WDR41: variants seen among roughly 807,000 people sequenced by gnomAD.
The protein encoded by WDR41 is WD repeat domain 41, also known as WD repeat-containing protein 41.
Under a neutral mutation model 69.3 loss-of-function variants are expected in WDR41, and 63 were observed. That is an observed-to-expected ratio of 0.91 (90% CI 0.74 to 1.12). The LOEUF (loss-of-function observed/expected upper bound fraction) is 1.12. WDR41 is among the 50% of genes most tolerant of loss of function. The pLI is 0.00. For synonymous variants in WDR41, 185 were observed against 192.1 expected (o/e 0.96, Z 0.31); for missense variants, 543 against 534.5 (o/e 1.02, Z -0.16).
At chr5:77,598,953 G>C (rs1024426609) in intron 1 of WDR41, among the ~76,000 whole-genome samples, 2 of 151,992 alleles carry the variant, frequency 1.3e-5, no homozygotes, top group Admixed American at 6.6e-5. Flanking sequence ...CCTGACAAAA[G>C]AAAATACAGT....
chr5:77,508,795 T>G (rs565898018), intron 1 of WDR41, among the ~76,000 whole-genome samples: 6 of 127,064 alleles, frequency 4.7e-5, no homozygotes, highest in Non-Finnish European at 9.5e-5. Flanking sequence ...GTGGTCTGTT[T>G]CTCTCCCCCC....
chr5:77,611,884 T>C (rs1175549492), intron 1 of WDR41, among the ~76,000 whole-genome samples: 1 of 152,048 alleles, frequency 6.6e-6, no homozygotes, highest in African/African-American at 2.4e-5. Context: ...ATAAAATTGA[T>C]AGACTGCTAG....
At chr5:77,579,905 C>CA (rs201212713) in intron 1 of WDR41, among the ~76,000 whole-genome samples, 2,926 of 151,226 alleles carry the variant, frequency 0.019, 81 homozygotes, top group African/African-American at 0.057. Flanking sequence ...CCAATGGCAG[C>CA]AAAAAAAATG....
intron 2 of WDR41, among the ~76,000 whole-genome samples, chr5:77,475,834 A>G (rs372705880): frequency 6.6e-6 from 1 of 152,218 alleles, no homozygotes; most frequent in Non-Finnish European, 1.5e-5. Flanking sequence ...TGACTTTGAC[A>G]AGCTGAGAGA....
At chr5:77,480,391 A>G (rs898593612) in intron 2 of WDR41, among the ~76,000 whole-genome samples, 1 of 152,190 alleles carries the variant, frequency 6.6e-6, no homozygotes, top group Non-Finnish European at 1.5e-5. Context: ...TTATTGCGGC[A>G]CTATTCACAA....
intron 1 of WDR41, among the ~76,000 whole-genome samples, chr5:77,542,561 C>T (rs1279484474): frequency 6.6e-6 from 1 of 152,008 alleles, no homozygotes; most frequent in Non-Finnish European, 1.5e-5. Flanking sequence ...TGGAGCTAAA[C>T]AAAAATGATA....
Position 77,433,168 on chromosome 5 carries a change from T to A in WDR41, c.1347A>T (p.Leu449Phe), listed in dbSNP as rs1477844085. The A allele has an allele frequency of 6.2e-7, 1 of 1,613,834 alleles. No homozygotes were observed. Among genetic ancestry groups the A allele is most frequent in the South Asian group, 1.1e-5 (1 of 90,948 alleles). ...GLRSLRLFQK[L>F]EENGDLYLAV ...CAAGGTATAAGTCACCATTCTCCTC[T>A]AATTTTTGAAATAATCTTAAACTGC... is the stretch of plus-strand genomic sequence containing the variant. The change falls in exon 13 of 13, where the codon TTA becomes TTT. Residue 449 changes from leucine to phenylalanine, a missense_variant. Leu to Phe is a conservative substitution (Grantham distance 22, BLOSUM62 0). Coordinates refer to ENST00000296679, the MANE Select transcript of WDR41 (RefSeq NM_018268.4).
intron 1 of WDR41, among the ~76,000 whole-genome samples, chr5:77,589,343 A>G (rs1188040455): frequency 2.0e-5 from 3 of 152,150 alleles, no homozygotes; most frequent in Non-Finnish European, 4.4e-5. Flanking sequence ...CAAAACTGTC[A>G]GAGTTATTCA....
At chr5:77,544,957 T>C (rs996807429) in intron 1 of WDR41, among the ~76,000 whole-genome samples, 1 of 152,008 alleles carries the variant, frequency 6.6e-6, no homozygotes, top group African/African-American at 2.4e-5. Flanking sequence ...AAAATCGAAA[T>C]TGTAACAAGC....
intron 2 of WDR41, among the ~76,000 whole-genome samples, chr5:77,472,927 G>A (rs530604332): frequency 2.0e-4 from 30 of 152,138 alleles, no homozygotes; most frequent in Non-Finnish European, 3.2e-4. Flanking sequence ...CTACTTTCAC[G>A]TTCATATGGA....
chr5:77,531,314 T>C (rs1802526027), intron 1 of WDR41, among the ~76,000 whole-genome samples: 1 of 151,662 alleles, frequency 6.6e-6, no homozygotes, highest in Admixed American at 6.6e-5. Context: ...AACAACAAAA[T>C]GACAAACAAC....
upstream of WDR41, chr5:77,492,402 C>A (rs909863132): frequency 1.4e-6 from 1 of 715,668 alleles, no homozygotes; most frequent in East Asian, 3.2e-5. Flanking sequence ...GTCCCCAAAG[C>A]GCTCCCGTAC....
At chr5:77,606,172 T>C (rs1744414607) in intron 1 of WDR41, among the ~76,000 whole-genome samples, 2 of 152,164 alleles carry the variant, frequency 1.3e-5, no homozygotes, top group African/African-American at 2.4e-5. Flanking sequence ...CACCAATCTT[T>C]TGCATAGTCT....
chr5:77,566,567 C>T (rs2112266209), intron 1 of WDR41, among the ~76,000 whole-genome samples: 1 of 152,202 alleles, frequency 6.6e-6, no homozygotes, highest in African/African-American at 2.4e-5. Flanking sequence ...TTCAATATTT[C>T]TGGGCCTTTG....
chr5:77,523,056 G>A (rs1294998285), intron 1 of WDR41, among the ~76,000 whole-genome samples: 1 of 152,186 alleles, frequency 6.6e-6, no homozygotes, highest in Non-Finnish European at 1.5e-5. Flanking sequence ...GCTCACACCT[G>A]TAATCCCAAC....
intron 1 of WDR41, among the ~76,000 whole-genome samples, chr5:77,588,125 A>C (rs1580031938): frequency 6.6e-6 from 1 of 152,212 alleles, no homozygotes; most frequent in South Asian, 2.1e-4. Flanking sequence ...TTAAAACTAG[A>C]TTATTTGCCT....
intron 1 of WDR41, among the ~76,000 whole-genome samples, chr5:77,577,400 T>G (rs1014135241): frequency 6.9e-6 from 1 of 145,448 alleles, no homozygotes; most frequent in African/African-American, 2.6e-5. Flanking sequence ...CAATAAAATA[T>G]GAGAAATTGC....
intron 1 of WDR41, among the ~76,000 whole-genome samples, chr5:77,611,316 T>C (rs1019575087): frequency 2.0e-5 from 3 of 152,214 alleles, no homozygotes; most frequent in Admixed American, 6.6e-5. Flanking sequence ...CTAATAGACA[T>C]CTACAGAACT....
At position 77,478,022 on chromosome 5, in the gene WDR41, T is replaced by A. The variant is rs1462722667; in HGVS notation, c.167+11435A>T. Among the ~76,000 whole-genome samples, 4 of 152,034 alleles carry A rather than the reference T, an allele frequency of 2.6e-5. 1 individual carries two copies. Among genetic ancestry groups the A allele is most frequent in the African/African-American group, 9.7e-5 (4 of 41,354 alleles). ...CCACTGATCCCACAGAAATACAAAC[T>A]ACCATCAGAGAATATTACAGACACC... On this transcript the variant is annotated intron_variant, in intron 2 of 12. Coordinates refer to ENST00000296679, the MANE Select transcript of WDR41 (RefSeq NM_018268.4).
Sources: gnomAD v4.1 joint callset for allele counts (sites outside exome capture counted in the v4.1 genomes callset) on GRCh38, gnomAD v4.1.1 for gene constraint, MANE v1.5 for transcripts, NCBI Gene and HGNC (gene_info 2026-07-23, HGNC 2026-07-21) for gene names.